The following AXDND1 variants were observed in gnomAD, a reference collection of about 807,000 sequenced individuals.
The protein encoded by AXDND1 is axonemal dynein light chain domain-containing protein 1.
In AXDND1, 110 loss-of-function variants were observed where a neutral mutation model predicts 137.5. The ratio of observed to expected loss-of-function variants is 0.80; its 90% CI spans 0.69 to 0.94. The LOEUF is 0.94. Ranked by LOEUF, AXDND1 falls within the 40% of genes least tolerant of loss-of-function variation. AXDND1 has a pLI of 0.00. For missense variants in AXDND1, 1,191 were observed against 1,169.8 expected, an observed-to-expected ratio of 1.02 and a Z score of -0.26; for synonymous variants, 414 against 399.7, an observed-to-expected ratio of 1.04 and a Z score of -0.43.
At chr1:179,493,214 A>T (rs11808139) in intron 20 of AXDND1, among the ~76,000 whole-genome samples, 2 of 151,230 alleles carry the variant, frequency 1.3e-5, no homozygotes, top group Admixed American at 6.6e-5. Flanking sequence ...CTAACACCAA[A>T]GATTTTTTTT....
intron 8 of AXDND1, 135 bp from the exon 9 acceptor site, chr1:179,385,103 T>C (rs1384858319): frequency 2.5e-6 from 2 of 789,254 alleles, no homozygotes; most frequent in South Asian, 1.8e-5. Flanking sequence ...TTTGTATATA[T>C]ATAAATGAAA....
intron 12 of AXDND1, among the ~76,000 whole-genome samples, chr1:179,427,406 T>C (rs1656740147): frequency 6.6e-6 from 1 of 152,134 alleles, no homozygotes; most frequent in Admixed American, 6.6e-5. Context: ...TTTTTGAGGA[T>C]CTACTAATTT....
intron 20 of AXDND1, chr1:179,506,945 T>A (rs1668597024): frequency 1.0e-6 from 1 of 970,092 alleles, no homozygotes; most frequent in South Asian, 4.8e-5. Context: ...AAGCCCCAGC[T>A]TTCCTTCCTT....
chr1:179,496,986 A>G (rs943414349), intron 20 of AXDND1, among the ~76,000 whole-genome samples: 4 of 152,020 alleles, frequency 2.6e-5, no homozygotes, highest in African/African-American at 7.2e-5. Flanking sequence ...TTAGTTCCCA[A>G]ATATTTGAGT....
intron 4 of AXDND1, among the ~76,000 whole-genome samples, chr1:179,372,934 C>T (rs201093005): frequency 3.7e-4 from 57 of 152,276 alleles, no homozygotes; most frequent in African/African-American, 1.2e-3. Context: ...CCACCCGCCT[C>T]GGCCTCTCAA....
At chr1:179,483,351 A>G in intron 18 of AXDND1, 130 bp downstream of exon 18, 3 of 518,478 alleles carry the variant, frequency 5.8e-6, no homozygotes, top group Non-Finnish European at 1.0e-5. Flanking sequence ...TTGTATAATA[A>G]TTTCTCAAAT....
intron 20 of AXDND1, among the ~76,000 whole-genome samples, chr1:179,494,663 A>G (rs999715205): frequency 1.5e-4 from 23 of 151,950 alleles, no homozygotes; most frequent in South Asian, 6.2e-4. Context: ...CATGAACCTC[A>G]TGCCCAGTTA....
intron 11 of AXDND1, among the ~76,000 whole-genome samples, chr1:179,406,099 A>T (rs1407413595): frequency 6.6e-6 from 1 of 152,102 alleles, no homozygotes; most frequent in Non-Finnish European, 1.5e-5. Flanking sequence ...TTTCTTCTTA[A>T]TGTATTTACT....
Position 179,486,893 on chromosome 1 carries a change from A to G in AXDND1, c.2091+3672A>G, listed in dbSNP as rs1240430163. 4.0e-5 allele frequency among the ~76,000 whole-genome samples: 6 copies of G among 148,698 alleles called. 1 individual carries two copies. Among genetic ancestry groups the G allele is most frequent in the Admixed American group, 2.0e-4 (3 of 15,112 alleles). ...AAATACACACTTGGGTATTTAGACT[A>G]CTATAAAGCAACCAAACAAGTCTGC... On this transcript the variant is annotated intron_variant, in intron 18 of 25. Transcript: ENST00000367618.
At chr1:179,405,386 G>C (rs1299312237) in intron 11 of AXDND1, among the ~76,000 whole-genome samples, 1 of 152,182 alleles carries the variant, frequency 6.6e-6, no homozygotes, top group Admixed American at 6.5e-5. Flanking sequence ...AAACATACGT[G>C]TGCATGTGTT....
chr1:179,473,655 C>T (rs1251696721), intron 17 of AXDND1, among the ~76,000 whole-genome samples: 1 of 152,056 alleles, frequency 6.6e-6, no homozygotes, highest in Non-Finnish European at 1.5e-5. Context: ...TGTGTCCCCA[C>T]CCAAATCTCA....
At chr1:179,543,113 G>A (rs1401821176) in intron 25 of AXDND1, 1 of 152,196 alleles carries the variant, frequency 6.6e-6, no homozygotes, top group Non-Finnish European at 1.5e-5. Context: ...TTTTTCCTGA[G>A]GGTTGTGCAG....
At chr1:179,365,705 C>T (rs55986478), upstream of AXDND1, 70,512 of 152,288 alleles carry the variant, frequency 0.46, 16,451 homozygotes, top group East Asian at 0.52. Flanking sequence ...AGCTAACCCC[C>T]ACCGGCGCCT....
At chr1:179,368,386 A>T (rs1453599022) in intron 2 of AXDND1, among the ~76,000 whole-genome samples, 1 of 152,232 alleles carries the variant, frequency 6.6e-6, no homozygotes, top group African/African-American at 2.4e-5. Flanking sequence ...CTTTGAATTC[A>T]TGTAAGAAAA....
intron 20 of AXDND1, among the ~76,000 whole-genome samples, chr1:179,497,072 C>A (rs1394328403): frequency 6.6e-6 from 1 of 152,098 alleles, no homozygotes. Flanking sequence ...GTACCACTTA[C>A]ATCCTTTCCA....
chr1:179,442,102 G>C (rs576206432), intron 15 of AXDND1, among the ~76,000 whole-genome samples: 3 of 152,152 alleles, frequency 2.0e-5, no homozygotes, highest in Non-Finnish European at 2.9e-5. Flanking sequence ...ACTAGGAAAA[G>C]CACAAGGTCC....
chr1:179,478,404 T>C (rs951047739), intron 17 of AXDND1, among the ~76,000 whole-genome samples: 3 of 152,232 alleles, frequency 2.0e-5, no homozygotes, highest in Admixed American at 1.3e-4. Context: ...CAAACCTTGA[T>C]TTTTGGCTTC....
Position 179,431,130 on chromosome 1 carries a change from C to A in AXDND1, c.1487+524C>A, listed in dbSNP as rs185808068. Reference sequence around the variant, plus strand: ...TTTGGATGCAGTCTGGACTAAATTTCTTTTTTTAAATTTAATTTTATTTTT... The same window carrying A: ...TTTGGATGCAGTCTGGACTAAATTTATTTTTTTAAATTTAATTTTATTTTT... On this transcript the variant is annotated intron_variant, in intron 14 of 25. Coordinates refer to ENST00000367618, the MANE Select transcript of AXDND1 (RefSeq NM_144696.6). 8.6e-4 allele frequency among the ~76,000 whole-genome samples: 130 copies of A among 151,918 alleles called. 1 individual carries two copies. The highest frequency in any genetic ancestry group is 2.8e-3 in the African/African-American group (117 of 41,468).
intron 9 of AXDND1, among the ~76,000 whole-genome samples, chr1:179,392,883 G>A (rs1020272523): frequency 4.6e-5 from 7 of 151,796 alleles, no homozygotes. Context: ...CCTTTGCCAG[G>A]TGCATAGTTT....
Sources: allele counts gnomAD v4.1 joint callset (sites outside exome capture counted in the v4.1 genomes callset), GRCh38; gene constraint gnomAD v4.1.1; transcripts MANE v1.5; gene names NCBI Gene and HGNC (gene_info 2026-07-23, HGNC 2026-07-21).